The following PALS2 variants were observed in gnomAD, a reference collection of about 807,000 sequenced individuals.
The protein encoded by PALS2 is protein PALS2.
PALS2 carries 27 observed loss-of-function variants against 61.6 expected under a neutral mutation model. The ratio of observed to expected loss-of-function variants is 0.44; its 90% CI spans 0.32 to 0.60. PALS2 has a LOEUF of 0.60. PALS2 is among the 20% of genes least tolerant of loss of function. PALS2 has a pLI of 0.05. For synonymous variants in PALS2, 236 were observed against 218.6 expected (o/e 1.08, Z -0.70); for missense variants, 554 against 639.4 (o/e 0.87, Z 1.44).
chr7:24,655,031 A>G (rs1786343459), intron 5 of PALS2, among the ~76,000 whole-genome samples: 2 of 152,254 alleles, frequency 1.3e-5, no homozygotes, highest in African/African-American at 4.8e-5. Flanking sequence ...ACATGTGTTC[A>G]GTAAACATAT....
chr7:24,688,775 G>A lies in PALS2; in HGVS notation c.*1161G>A, dbSNP rs1374951866. 1.3e-5 allele frequency: 2 copies of A among 149,698 alleles called. No individual in the cohort carries two copies. The highest frequency in any genetic ancestry group is 3.0e-5 in the Non-Finnish European group (2 of 67,468). 9.3% of individuals were successfully genotyped at this position (149,698 alleles called of 1,614,324 possible). On this transcript the variant is annotated 3_prime_UTR_variant, in exon 12 of 12. Coordinates refer to ENST00000222644, the MANE Select transcript of PALS2 (RefSeq NM_001303037.2). ...TTATATAATATATATAAAATGTTTTGTATATTTTTTACATATCTGTTAAAA... is the reference window on the plus strand; with the variant it reads ...TTATATAATATATATAAAATGTTTTATATATTTTTTACATATCTGTTAAAA...
chr7:24,614,463 C>T (rs2529091), intron 1 of PALS2, among the ~76,000 whole-genome samples: 65,033 of 151,650 alleles, frequency 0.43, 16,980 homozygotes, highest in East Asian at 0.72. Flanking sequence ...TTTGACTTCT[C>T]CCTTTCCAAT....
chr7:24,644,879 G>A (rs1319186165), intron 3 of PALS2, among the ~76,000 whole-genome samples: 1 of 151,924 alleles, frequency 6.6e-6, no homozygotes, highest in Non-Finnish European at 1.5e-5. Context: ...GTTTTGATTT[G>A]CGTTTCTCTA....
intron 2 of PALS2, among the ~76,000 whole-genome samples, chr7:24,625,842 A>C (rs983649556): frequency 1.3e-5 from 2 of 152,228 alleles, no homozygotes; most frequent in Non-Finnish European, 1.5e-5. Context: ...AAACAATGGT[A>C]GTTCAGTATT....
At chr7:24,624,827 C>T (rs1025951161) in intron 2 of PALS2, among the ~76,000 whole-genome samples, 19 of 151,806 alleles carry the variant, frequency 1.3e-4, no homozygotes, top group Admixed American at 6.6e-4. Flanking sequence ...AGGCTGGTCT[C>T]GAACTCCTGA....
intron 11 of PALS2, among the ~76,000 whole-genome samples, chr7:24,684,975 G>A (rs927512373): frequency 5.3e-5 from 8 of 151,012 alleles, no homozygotes; most frequent in Admixed American, 3.3e-4. Context: ...TTTAAGTTCC[G>A]GGGTGCATGT....
At chr7:24,580,253 G>A (rs775178753) in intron 1 of PALS2, among the ~76,000 whole-genome samples, 2 of 152,112 alleles carry the variant, frequency 1.3e-5, no homozygotes, top group African/African-American at 2.4e-5. Context: ...TACCTAAGTG[G>A]GCATCAGAAT....
chr7:24,606,296 T>C (rs1437302453), intron 1 of PALS2, among the ~76,000 whole-genome samples: 1 of 152,128 alleles, frequency 6.6e-6, no homozygotes, highest in East Asian at 1.9e-4. Flanking sequence ...TCATAGATTG[T>C]AAAAAGGAAA....
rs1328034367 is a variant in PALS2 at position 24,596,719 on chromosome 7, GACTCTCCGTATAT to G, written c.-3+23127_-3+23139del. On this transcript the variant is annotated intron_variant, in intron 1 of 11. Coordinates refer to ENST00000222644, the MANE Select transcript of PALS2 (RefSeq NM_001303037.2). This position sits in a 1 kb window ranked among gnomAD's most constrained non-coding sequence, Gnocchi z 4.5. ...AGCTCTGTTTAAAAAGGAAAAAAAG[GACTCTCCGTATAT>G]CTAGCTTTCTCCTGTGTGAGCACTA... Among the ~76,000 whole-genome samples the G allele has an allele frequency of 6.6e-6, 1 of 152,122 alleles. No individual in the cohort carries two copies. Among genetic ancestry groups the G allele is most frequent in the Middle Eastern group, 3.2e-3 (1 of 316 alleles).
chr7:24,686,437 C>A (rs187874029), intron 11 of PALS2, among the ~76,000 whole-genome samples: 1 of 152,148 alleles, frequency 6.6e-6, no homozygotes, highest in African/African-American at 2.4e-5. Context: ...CTTGAACGTG[C>A]CAGGGTCGTT....
At chr7:24,602,753 T>G (rs74683589) in intron 1 of PALS2, among the ~76,000 whole-genome samples, 6,003 of 152,318 alleles carry the variant, frequency 0.039, 158 homozygotes, top group Non-Finnish European at 0.058. Flanking sequence ...GGTTTGGCTT[T>G]CTGTCCCCAC....
chr7:24,632,458 G>A (rs1210380906), intron 2 of PALS2, among the ~76,000 whole-genome samples: 1 of 152,058 alleles, frequency 6.6e-6, no homozygotes, highest in Non-Finnish European at 1.5e-5. Flanking sequence ...GGAGTGCAGT[G>A]GTGCCATCTT....
In PALS2 at chr7:24,690,584, T is replaced by A. The variant is rs912123060; in HGVS notation, c.*2970T>A. ...ATTTTTTCATTTTCAAATGTACAAA[T>A]ACCCATAGAGGTGATGTGCCTGGAT... On this transcript the variant is annotated 3_prime_UTR_variant, in exon 12 of 12. Coordinates refer to ENST00000222644, the MANE Select transcript of PALS2 (RefSeq NM_001303037.2). 5.3e-5 allele frequency: 8 copies of A among 152,186 alleles called. No homozygotes were observed. Among genetic ancestry groups the A allele is most frequent in the Non-Finnish European group, 1.0e-4 (7 of 68,024 alleles). The allele number at this position is 152,186 out of a possible 1,614,324, so 9.4% of individuals were successfully genotyped here. A position where few individuals can be genotyped will look rare whatever the true frequency, so the allele number is the denominator to read the frequency against.
rs545003957 is a variant in PALS2, at chr7:24,629,249, G to A, written c.117+5465G>A. On this transcript the variant is annotated intron_variant, in intron 2 of 11. Transcript: ENST00000222644. ...AAAACAAGCAATGGGGAAAGGATTCGCTATTTAATAAATGATGTTGGGAAA... is the reference window on the plus strand; with the variant it reads ...AAAACAAGCAATGGGGAAAGGATTCACTATTTAATAAATGATGTTGGGAAA... 4.6e-5 allele frequency among the ~76,000 whole-genome samples: 7 copies of A among 152,152 alleles called. No homozygotes were observed. The East Asian group carries it at 7.7e-4, about 17-fold the overall frequency.
At chr7:24,665,787 T>C (rs1786983956) in intron 7 of PALS2, 100 bp downstream of exon 7, 2 of 1,119,508 alleles carry the variant, frequency 1.8e-6, no homozygotes, top group South Asian at 1.5e-5. Context: ...AAAATATGTC[T>C]AGAATGAATC....
chr7:24,686,215 A>C (rs2721781), intron 11 of PALS2, among the ~76,000 whole-genome samples: 77,481 of 152,016 alleles, frequency 0.51, 23,443 homozygotes, highest in African/African-American at 0.83. Flanking sequence ...AAATAAATTT[A>C]CAGTCTGGTG....
intron 9 of PALS2, among the ~76,000 whole-genome samples, chr7:24,671,177 C>G (rs1787277187): frequency 6.6e-6 from 1 of 152,182 alleles, no homozygotes. Flanking sequence ...TCTCTACATC[C>G]TCACCAACAT....
intron 1 of PALS2, among the ~76,000 whole-genome samples, chr7:24,587,513 C>T (rs1245010300): frequency 1.3e-5 from 2 of 150,808 alleles, no homozygotes; most frequent in Non-Finnish European, 3.0e-5. Context: ...TACAGGTCCA[C>T]ACCACTATGC....
intron 2 of PALS2, among the ~76,000 whole-genome samples, chr7:24,628,193 G>C (rs1357436793): frequency 6.6e-6 from 1 of 152,116 alleles, no homozygotes; most frequent in Non-Finnish European, 1.5e-5. Flanking sequence ...TTCATCCCTG[G>C]GATGCAAGGC....
Sources: gnomAD v4.1 joint callset for allele counts (sites outside exome capture counted in the v4.1 genomes callset) on GRCh38, gnomAD v4.1.1 for gene constraint, Gnocchi (gnomAD v3.1) non-coding constraint, MANE v1.5 for transcripts, NCBI Gene and HGNC (gene_info 2026-07-23, HGNC 2026-07-21) for gene names.